Variants in SCHIP1 observed in about 807,000 individuals in gnomAD.
SCHIP1 encodes the protein schwannomin interacting protein 1, also known as schwannomin-interacting protein 1.
In SCHIP1, 8 loss-of-function variants were observed where a neutral mutation model predicts 29.7. The ratio of observed to expected loss-of-function variants is 0.27; its 90% CI spans 0.16 to 0.49. The LOEUF is 0.49. SCHIP1 is among the 20% of genes least tolerant of loss of function. The pLI is 0.99. For synonymous variants in SCHIP1, 76 were observed against 94.9 expected (o/e 0.80, Z 1.16); for missense variants, 193 against 294.6 (o/e 0.66, Z 2.52).
the SCHIP1 span, among the ~76,000 whole-genome samples, chr3:159,613,614 T>C: frequency 6.6e-6 from 1 of 152,182 alleles, no homozygotes; most frequent in African/African-American, 2.4e-5. Flanking sequence ...TGACAGCCCA[T>C]AGCAAAATAT....
At chr3:159,717,717 C>G in the SCHIP1 span, among the ~76,000 whole-genome samples, 4 of 152,192 alleles carry the variant, frequency 2.6e-5, no homozygotes, top group Non-Finnish European at 5.9e-5. Context: ...ATAACAGGCT[C>G]TGAAATTGAG....
the SCHIP1 span, among the ~76,000 whole-genome samples, chr3:159,442,606 A>G: frequency 1.3e-5 from 2 of 152,130 alleles, no homozygotes; most frequent in African/African-American, 4.8e-5. Flanking sequence ...GATTTTTAAA[A>G]AATTCGTCTT....
chr3:159,499,610 G>A, the SCHIP1 span, among the ~76,000 whole-genome samples: 1 of 152,262 alleles, frequency 6.6e-6, no homozygotes, highest in Non-Finnish European at 1.5e-5. Flanking sequence ...GAATTTGTTA[G>A]AAATGCAAAT....
chr3:159,717,748 A>G, the SCHIP1 span, among the ~76,000 whole-genome samples: 1 of 152,218 alleles, frequency 6.6e-6, no homozygotes, highest in Non-Finnish European at 1.5e-5. Context: ...AGAGCCTACC[A>G]ACCAAAAAAA....
chr3:159,571,559 A>T, the SCHIP1 span, among the ~76,000 whole-genome samples: 3 of 152,202 alleles, frequency 2.0e-5, no homozygotes, highest in African/African-American at 7.2e-5. Flanking sequence ...TTTCACATCA[A>T]TGTTCATCAG....
chr3:159,583,741 G>T, the SCHIP1 span, among the ~76,000 whole-genome samples: 1 of 152,150 alleles, frequency 6.6e-6, no homozygotes, highest in Non-Finnish European at 1.5e-5. Context: ...TCTTTTGGCT[G>T]CTTAACCTTC....
At chr3:159,725,251 C>G in the SCHIP1 span, among the ~76,000 whole-genome samples, 6 of 150,944 alleles carry the variant, frequency 4.0e-5, no homozygotes, top group African/African-American at 1.5e-4. Flanking sequence ...AAACTAAATC[C>G]ACTTTTTCTT....
chr3:159,424,087 T>A, the SCHIP1 span, among the ~76,000 whole-genome samples: 1 of 134,906 alleles, frequency 7.4e-6, no homozygotes, highest in Non-Finnish European at 1.6e-5. Context: ...ACCACAAAGA[T>A]GGGGAAAAAA....
At chr3:159,423,110 C>T in the SCHIP1 span, among the ~76,000 whole-genome samples, 1 of 152,236 alleles carries the variant, frequency 6.6e-6, no homozygotes, top group Non-Finnish European at 1.5e-5. Context: ...CTCCAGTCTA[C>T]AGCTCCCAGC....
chr3:159,302,228 T>C, the SCHIP1 span, among the ~76,000 whole-genome samples: 176 of 152,212 alleles, frequency 1.2e-3, no homozygotes, highest in Non-Finnish European at 1.4e-3. Context: ...TTCAACCCTA[T>C]GTTCTATTGG....
At chr3:159,396,824 T>G in the SCHIP1 span, among the ~76,000 whole-genome samples, 2 of 151,870 alleles carry the variant, frequency 1.3e-5, no homozygotes, top group African/African-American at 4.8e-5. Context: ...TCGAGGAGTA[T>G]CTTTGTGGTG....
chr3:159,416,156 C>T, the SCHIP1 span, among the ~76,000 whole-genome samples: 1 of 152,184 alleles, frequency 6.6e-6, no homozygotes, highest in African/African-American at 2.4e-5. Flanking sequence ...CCCAAATTCT[C>T]TAATCCTAGG....
the SCHIP1 span, among the ~76,000 whole-genome samples, chr3:159,538,898 A>C: frequency 6.6e-6 from 1 of 152,082 alleles, no homozygotes; most frequent in African/African-American, 2.4e-5. Flanking sequence ...TAATCCTTTC[A>C]TATATGCTAT....
At chr3:159,576,316 G>A in the SCHIP1 span, among the ~76,000 whole-genome samples, 3 of 151,980 alleles carry the variant, frequency 2.0e-5, no homozygotes, top group African/African-American at 7.3e-5. Flanking sequence ...TTTTCTCTTA[G>A]CACTCTGAAC....
chr3:159,674,598 TA>T, the SCHIP1 span, among the ~76,000 whole-genome samples: 5,728 of 53,832 alleles, frequency 0.11, 150 homozygotes, highest in African/African-American at 0.23. Context: ...GGGTCAGGAT[TA>T]AAAAAAAAAA....
chr3:159,583,737 G>A, the SCHIP1 span, among the ~76,000 whole-genome samples: 3 of 152,104 alleles, frequency 2.0e-5, no homozygotes, highest in African/African-American at 7.2e-5. Flanking sequence ...TGAATCTTTT[G>A]GCTGCTTAAC....
At chr3:159,274,359 G>A in the SCHIP1 span, 1 of 977,636 alleles carries the variant, frequency 1.0e-6, no homozygotes, top group African/African-American at 1.7e-5. Context: ...GTATTCTAAT[G>A]TCAATACATG....
At chr3:159,843,219 G>A (rs1292740550) in intron 1 of SCHIP1, among the ~76,000 whole-genome samples, 2 of 151,240 alleles carry the variant, frequency 1.3e-5, no homozygotes, top group East Asian at 3.9e-4. Flanking sequence ...CACCATGTTG[G>A]CCAAGCTGGT....
the SCHIP1 span, among the ~76,000 whole-genome samples, chr3:159,370,883 G>A: frequency 6.6e-6 from 1 of 152,078 alleles, no homozygotes; most frequent in Non-Finnish European, 1.5e-5. Context: ...TAGTTCTCAG[G>A]CCTTCAGACT....
Sources: gnomAD v4.1 joint callset for allele counts (sites outside exome capture counted in the v4.1 genomes callset) on GRCh38, gnomAD v4.1.1 for gene constraint, MANE v1.5 for transcripts, NCBI Gene and HGNC (gene_info 2026-07-23, HGNC 2026-07-21) for gene names.